Variants in SHCBP1 observed in about 807,000 individuals in gnomAD.
The protein encoded by SHCBP1 is SHC binding and spindle associated 1.
Under a neutral mutation model 75.1 loss-of-function variants are expected in SHCBP1, and 60 were observed. The ratio of observed to expected loss-of-function variants is 0.80; its 90% CI spans 0.65 to 0.99. The LOEUF is 0.99. SHCBP1 is among the 50% of genes least tolerant of loss of function. The probability of loss-of-function intolerance (pLI) is 0.00; values close to 1 mark genes in which losing one functional copy is unlikely to be tolerated. For synonymous variants in SHCBP1, 290 were observed against 293.2 expected (o/e 0.99, Z 0.11); for missense variants, 709 against 809.4 (o/e 0.88, Z 1.50).
intron 4 of SHCBP1, among the ~76,000 whole-genome samples, chr16:46,615,258 G>A (rs530110351): frequency 6.6e-6 from 1 of 152,062 alleles, no homozygotes; most frequent in East Asian, 1.9e-4. Context: ...TAATGGTAAG[G>A]CTTCTTTTCT....
chr16:46,619,810 G>T (rs555378612), intron 1 of SHCBP1, among the ~76,000 whole-genome samples: 2 of 152,258 alleles, frequency 1.3e-5, no homozygotes, highest in African/African-American at 4.8e-5. Flanking sequence ...CGAGATGGGC[G>T]GATCACCTGA....
chr16:46,588,758 T>C (rs1335723296), intron 10 of SHCBP1, among the ~76,000 whole-genome samples: 1 of 152,222 alleles, frequency 6.6e-6, no homozygotes, highest in African/African-American at 2.4e-5. Context: ...GAGGAGCTGG[T>C]ACCATTCCTT....
chr16:46,620,697 A>T (rs1596694247), intron 1 of SHCBP1: 1 of 152,154 alleles, frequency 6.6e-6, no homozygotes, highest in East Asian at 1.9e-4. Flanking sequence ...TTAAAATATC[A>T]GAAAAAAAAA....
At chr16:46,602,471 G>A (rs1218308647) in intron 8 of SHCBP1, among the ~76,000 whole-genome samples, 2 of 152,090 alleles carry the variant, frequency 1.3e-5, no homozygotes, top group African/African-American at 4.8e-5. Context: ...ATGATTTTTT[G>A]CATTACAAGC....
intron 12 of SHCBP1, 24 bp from the exon 13 acceptor site, chr16:46,582,078 C>T (rs1042240141): frequency 1.9e-6 from 3 of 1,576,882 alleles, no homozygotes; most frequent in Non-Finnish European, 8.6e-7. Context: ...CAAATAATAA[C>T]AAAGTTAAAT....
rs1468651839 is a variant in SHCBP1 at position 46,621,283 on chromosome 16, T to C, written c.77A>G (p.Glu26Gly). The change falls in exon 1 of 13, where the codon GAG (glutamate) becomes GGG (glycine). Residue 26 changes from glutamate to glycine, a missense_variant. Coordinates refer to ENST00000303383, the MANE Select transcript of SHCBP1 (RefSeq NM_024745.5). ...MAPERMGWAV[E>G]QELASLEKGL... ...TTTCTCCAGAGACGCCAGCTCCTGC[T>C]CCACCGCCCAGCCCATGCGCTCCGG... 9 of 1,610,136 alleles carry C rather than the reference T, an allele frequency of 5.6e-6. No individual in the cohort carries two copies. The highest frequency in any genetic ancestry group is 6.8e-6 in the Non-Finnish European group (8 of 1,178,876).
At chr16:46,592,588 T>C (rs781258282) in intron 10 of SHCBP1, among the ~76,000 whole-genome samples, 4 of 152,136 alleles carry the variant, frequency 2.6e-5, no homozygotes, top group Non-Finnish European at 4.4e-5. Context: ...CACTTCAGTA[T>C]TCATTTTATG....
In SHCBP1 at chr16:46,604,384, T is replaced by C. The variant is rs776383201; in HGVS notation, c.767A>G (p.Glu256Gly). Residue 256 changes from glutamate to glycine, a missense_variant, in exon 6 of 13, where the codon GAG becomes GGG. Coordinates refer to ENST00000303383, the MANE Select transcript of SHCBP1 (RefSeq NM_024745.5). Reference sequence around the variant, plus strand: ...CAGATTTAAAAATTTCCTGTAACTCTCCTCACATTGAGACAACAGATTGTG... The same window carrying C: ...CAGATTTAAAAATTTCCTGTAACTCCCCTCACATTGAGACAACAGATTGTG... Reference protein sequence around the residue: ...DYHNLLSQCEESYRKFLNLRS... With the variant: ...DYHNLLSQCEGSYRKFLNLRS... The C allele has an allele frequency of 6.2e-7, 1 of 1,614,194 alleles. No homozygotes were observed. The highest frequency in any genetic ancestry group is 1.7e-5 in the Admixed American group (1 of 60,024).
At position 46,581,696 on chromosome 16, in the gene SHCBP1, C is replaced by A. The variant is rs1216580233; in HGVS notation, c.*33G>T. 46 of 1,560,800 alleles carry A rather than the reference C, an allele frequency of 2.9e-5. No homozygotes were observed. Among genetic ancestry groups the A allele is most frequent in the Non-Finnish European group, 3.9e-5 (45 of 1,141,860 alleles). On this transcript the variant is annotated 3_prime_UTR_variant, in exon 13 of 13. Coordinates refer to ENST00000303383, the MANE Select transcript of SHCBP1 (RefSeq NM_024745.5). ...ATTCTTAGGGCAGCATGTGCAAAAT[C>A]CAGTATTTTGCTATCTACTTACATC...
At chr16:46,593,309 C>A (rs929050111) in intron 10 of SHCBP1, among the ~76,000 whole-genome samples, 3 of 152,076 alleles carry the variant, frequency 2.0e-5, no homozygotes, top group Non-Finnish European at 4.4e-5. Flanking sequence ...TTTCTATATA[C>A]TAGCAATGAA....
In SHCBP1 at chr16:46,595,606, T is replaced by G. The variant is rs1022397782; in HGVS notation, c.1410A>C (p.Thr470=). The G allele has an allele frequency of 6.2e-7, 1 of 1,614,194 alleles. No homozygotes were observed. Among genetic ancestry groups the G allele is most frequent in the East Asian group, 2.2e-5 (1 of 44,888 alleles). ...TTAGAAACTCTGCTGATGTCCGCAC[T>G]GTGACTCCGGTCGTCTCACACTGCA... ...CVLQCETTGV[T]VRTSAEFLMK... Residue 470 remains threonine, a synonymous_variant, in exon 10 of 13, where the codon ACA becomes ACC. Transcript: ENST00000303383.
In SHCBP1 at chr16:46,604,333, G is replaced by C. The variant is rs1267462296; in HGVS notation, c.818C>G (p.Ser273Cys). ...NLRSSLSNCN[S>C]DSEQENISMV... ...GGAGATATTTTCCTGCTCGGAATCA[G>C]AGTTACAATTTGACAAACTGCTTCT... The change falls in exon 6 of 13, where the codon TCT becomes TGT. Residue 273 changes from serine (S) to cysteine (C), a missense_variant. Transcript: ENST00000303383. 1 of 1,614,026 alleles carries C rather than the reference G, an allele frequency of 6.2e-7. No homozygotes were observed. Among genetic ancestry groups the C allele is most frequent in the Non-Finnish European group, 8.5e-7 (1 of 1,180,036 alleles).
intron 7 of SHCBP1, 73 bp from the exon 8 acceptor site, chr16:46,603,732 T>C: frequency 6.3e-7 from 1 of 1,576,622 alleles, no homozygotes; most frequent in Non-Finnish European, 8.6e-7. Context: ...TCTAGGTGAC[T>C]TCATGTCTTA....
intron 2 of SHCBP1, among the ~76,000 whole-genome samples, 161 bp downstream of exon 2, chr16:46,618,044 C>T (rs754616868): frequency 1.3e-5 from 2 of 152,044 alleles, no homozygotes; most frequent in Non-Finnish European, 2.9e-5. Flanking sequence ...GGTGGTATGG[C>T]GCATGCCTGT....
At chr16:46,594,140 C>T (rs1034923502) in intron 10 of SHCBP1, among the ~76,000 whole-genome samples, 22 of 151,996 alleles carry the variant, frequency 1.4e-4, no homozygotes, top group African/African-American at 5.1e-4. Flanking sequence ...TAAAATATAA[C>T]GCTATAAAAA....
At chr16:46,604,182 G>A (rs1965289620) in intron 6 of SHCBP1, 39 bp from the exon 7 acceptor site, 1 of 1,612,602 alleles carries the variant, frequency 6.2e-7, no homozygotes, top group African/African-American at 1.3e-5. Context: ...AAGACAGCAA[G>A]TAAGAAAAGA....
chr16:46,621,118 G>A (rs1965582474), intron 1 of SHCBP1, 139 bp downstream of exon 1: 4 of 704,864 alleles, frequency 5.7e-6, no homozygotes, highest in Admixed American at 6.6e-5. Flanking sequence ...CCGTCACTGG[G>A]TCCCGGCCGC....
At chr16:46,582,976 T>C (rs915954219) in intron 12 of SHCBP1, among the ~76,000 whole-genome samples, 2 of 152,168 alleles carry the variant, frequency 1.3e-5, no homozygotes, top group Non-Finnish European at 1.5e-5. Flanking sequence ...AGTTCACAGA[T>C]TTCCACTGAG....
chr16:46,592,407 T>C (rs1430764418), intron 10 of SHCBP1, among the ~76,000 whole-genome samples: 4 of 152,104 alleles, frequency 2.6e-5, no homozygotes, highest in Non-Finnish European at 5.9e-5. Context: ...CAATATGAAA[T>C]AGGTCATTTG....
Sources: gnomAD v4.1 joint callset for allele counts (sites outside exome capture counted in the v4.1 genomes callset) on GRCh38, gnomAD v4.1.1 for gene constraint, MANE v1.5 for transcripts, NCBI Gene and HGNC (gene_info 2026-07-23, HGNC 2026-07-21) for gene names.